The following LAMA1 variants were observed in gnomAD, a reference collection of about 807,000 sequenced individuals.
LAMA1 encodes laminin subunit alpha-1.
A neutral mutation model predicts 348.7 loss-of-function variants in LAMA1; 219 were observed. That is an observed-to-expected ratio of 0.63 (90% CI 0.56 to 0.70). The LOEUF is 0.70. Ranked by LOEUF, LAMA1 falls within the 30% of genes least tolerant of loss-of-function variation. LAMA1 has a pLI of 0.00. For synonymous variants in LAMA1, 1,487 were observed against 1,491.0 expected, an observed-to-expected ratio of 1.00 and a Z score of 0.06; for missense variants, 3,744 against 3,888.0, an observed-to-expected ratio of 0.96 and a Z score of 0.99.
At chr18:6,948,073 C>A (rs1447754087) in intron 60 of LAMA1, among the ~76,000 whole-genome samples, 1 of 152,178 alleles carries the variant, frequency 6.6e-6, no homozygotes, top group African/African-American at 2.4e-5. Flanking sequence ...TTTTATGCTG[C>A]TGATTTTTAA....
At chr18:6,961,846 A>G (rs1418996465) in intron 52 of LAMA1, 87 bp from the exon 53 acceptor site, 1 of 1,571,434 alleles carries the variant, frequency 6.4e-7, no homozygotes, top group East Asian at 2.2e-5. Flanking sequence ...TTTCCCCATC[A>G]TCTCTTTTCT....
chr18:7,018,491 G>T (rs1205045892), intron 19 of LAMA1, among the ~76,000 whole-genome samples: 1 of 150,610 alleles, frequency 6.6e-6, no homozygotes, highest in African/African-American at 2.4e-5. Flanking sequence ...CGCCTTTCGG[G>T]TTCATGCCAT....
chr18:7,023,034 C>A, intron 19 of LAMA1, 130 bp downstream of exon 19: 1 of 945,948 alleles, frequency 1.1e-6, no homozygotes. Flanking sequence ...AGAGACCCAG[C>A]ATTAATGCAA....
chr18:7,116,531 C>G (rs952992678), intron 1 of LAMA1, among the ~76,000 whole-genome samples: 1 of 152,206 alleles, frequency 6.6e-6, no homozygotes, highest in Non-Finnish European at 1.5e-5. Context: ...GCTCACAACT[C>G]AGCACAATGC....
chr18:7,003,467 C>T (rs2057817760), intron 29 of LAMA1, among the ~76,000 whole-genome samples: 1 of 152,018 alleles, frequency 6.6e-6, no homozygotes, highest in Admixed American at 6.6e-5. Context: ...ACTGTGTTAG[C>T]CAGGATGGTC....
At chr18:7,019,522 C>A (rs71360059) in intron 19 of LAMA1, among the ~76,000 whole-genome samples, 15 of 152,102 alleles carry the variant, frequency 9.9e-5, no homozygotes, top group Non-Finnish European at 1.8e-4. Flanking sequence ...TTCAGTATTT[C>A]TTTGTACTTT....
At chr18:6,983,503 C>G (rs1247846987) in intron 39 of LAMA1, among the ~76,000 whole-genome samples, 2 of 152,144 alleles carry the variant, frequency 1.3e-5, no homozygotes, top group Non-Finnish European at 2.9e-5. Context: ...CTTAGACGAC[C>G]ATTCATCACT....
chr18:7,018,954 TC>T (rs1336880599), intron 19 of LAMA1, among the ~76,000 whole-genome samples: 1 of 151,888 alleles, frequency 6.6e-6, no homozygotes, highest in African/African-American at 2.4e-5. Context: ...AATGCTGCAG[TC>T]CCACGAGAGG....
In LAMA1 at chr18:7,104,582, G is replaced by A. The variant is rs142400602; in HGVS notation, c.61+13078C>T. Among the ~76,000 whole-genome samples the A allele has an allele frequency of 2.3e-4, 35 of 152,312 alleles. No homozygotes were observed. The East Asian group carries it at 6.4e-3, about 28-fold the overall frequency. On this transcript the variant is annotated intron_variant, in intron 1 of 62. Coordinates refer to ENST00000389658, the MANE Select transcript of LAMA1 (RefSeq NM_005559.4). Reference sequence around the variant, plus strand: ...GAACTACAGATATCACAGAATGGTCGAGATGTGGTTAGCAGTGGGAGAAGA... The same window carrying A: ...GAACTACAGATATCACAGAATGGTCAAGATGTGGTTAGCAGTGGGAGAAGA...
intron 1 of LAMA1, among the ~76,000 whole-genome samples, chr18:7,105,487 AGAGCAGAAGAGGACAG>A (rs1442671718): frequency 6.7e-6 from 1 of 150,312 alleles, no homozygotes; most frequent in African/African-American, 2.5e-5. Flanking sequence ...TAAACAAACA[AGAGCAGAAGAGGACAG>A]GAGCAGTAGG....
intron 1 of LAMA1, among the ~76,000 whole-genome samples, chr18:7,097,702 A>T (rs974976210): frequency 6.6e-6 from 1 of 152,248 alleles, no homozygotes; most frequent in East Asian, 1.9e-4. Context: ...AGAACAAAAT[A>T]GAGTCCAAAA....
chr18:6,946,715 G>A (rs1248799570), intron 61 of LAMA1, among the ~76,000 whole-genome samples: 2 of 152,110 alleles, frequency 1.3e-5, no homozygotes, highest in East Asian at 1.9e-4. Flanking sequence ...GCGAAACTCC[G>A]TCTCAAAAAG....
At chr18:7,031,076 CTAAGCCATCCTGGACA>C (rs1165098836) in intron 16 of LAMA1, among the ~76,000 whole-genome samples, 5 of 152,126 alleles carry the variant, frequency 3.3e-5, no homozygotes, top group Non-Finnish European at 7.3e-5. Context: ...AAATTAAGTT[CTAAGCCATCCTGGACA>C]TAAGCCATCC....
intron 42 of LAMA1, among the ~76,000 whole-genome samples, chr18:6,979,856 G>A (rs192605263): frequency 1.8e-3 from 276 of 152,248 alleles, no homozygotes; most frequent in Middle Eastern, 3.4e-3. Context: ...CCAAGATCGC[G>A]CCACTGCACT....
chr18:6,999,920 T>C lies in LAMA1; in HGVS notation c.4460A>G (p.His1487Arg). The C allele has an allele frequency of 3.7e-6, 6 of 1,614,082 alleles. No homozygotes were observed. The highest frequency in any genetic ancestry group is 5.1e-6 in the Non-Finnish European group (6 of 1,179,914). The change falls in exon 31 of 63, where the codon CAC (histidine) becomes CGC (arginine). Residue 1487 changes from histidine to arginine, a missense_variant. Physicochemically the swap from His to Arg is conservative, Grantham distance 29. Transcript: ENST00000389658. ...CAATCCACCCATGTACCTTTCACAG[T>C]GTTTTCCTTCATAGCCCAGGAGACA... Reference protein sequence around the residue: ...DACLLGYEGKHCERCSSSYYG... With the variant: ...DACLLGYEGKRCERCSSSYYG...
intron 62 of LAMA1, among the ~76,000 whole-genome samples, chr18:6,942,542 T>C (rs2057503704): frequency 6.6e-6 from 1 of 151,810 alleles, no homozygotes; most frequent in Non-Finnish European, 1.5e-5. Context: ...GCCTCCCGAG[T>C]AGCTGGGGTT....
In LAMA1 at chr18:7,049,113, C is replaced by G. The variant is rs764111960; in HGVS notation, c.733G>C (p.Glu245Gln). The G allele has an allele frequency of 1.9e-6, 3 of 1,614,088 alleles. No individual in the cohort carries two copies. The highest frequency in any genetic ancestry group is 1.7e-6 in the Non-Finnish European group (2 of 1,180,014). ...NADLMTLSHR[E>Q]PKELDPIVTR... is the part of the protein sequence containing the mutation. ...ACAATAGGATCCAGTTCTTTAGGTT[C>G]CCGGTGGCTAAGGGTCATGAGATCT... The change falls in exon 5 of 63, where the codon GAA becomes CAA. Residue 245 changes from glutamate (E) to glutamine (Q), a missense_variant. Glu to Gln is a conservative substitution (Grantham distance 29). Around this residue, in one of 3 missense-constraint regions of LAMA1, gnomAD observed 1,529 missense variants for 1,689.4 expected, o/e 0.91. Transcript: ENST00000389658.
In LAMA1 at chr18:7,011,342, C is replaced by T; in HGVS notation, c.3645G>A (p.Glu1215=). ...GCTGCGGCAGCCGCCAGTAAAACGG[C>T]TCTGCACGGATGTGCTGCCGGACGG... ...AATVRQHIRA[E]PFYWRLPQQF... The change falls in exon 25 of 63, where the codon GAG becomes GAA. Residue 1215 remains glutamate (E), a synonymous_variant. Coordinates refer to ENST00000389658, the MANE Select transcript of LAMA1 (RefSeq NM_005559.4). 6.2e-7 allele frequency: 1 copy of T among 1,612,634 alleles called. No individual in the cohort carries two copies. The highest frequency in any genetic ancestry group is 8.5e-7 in the Non-Finnish European group (1 of 1,179,666).
chr18:7,072,165 C>G (rs1009121281), intron 3 of LAMA1, among the ~76,000 whole-genome samples: 1 of 152,190 alleles, frequency 6.6e-6, no homozygotes, highest in African/African-American at 2.4e-5. Context: ...TTCTCAAAAT[C>G]TGCATAACTG....
Sources: allele counts gnomAD v4.1 joint callset (sites outside exome capture counted in the v4.1 genomes callset), GRCh38; gene constraint gnomAD v4.1.1; regional missense constraint gnomAD v4.1.1; transcripts MANE v1.5; gene names NCBI Gene and HGNC (gene_info 2026-07-23, HGNC 2026-07-21).